The following BCAS3 variants were observed in gnomAD, a reference collection of about 807,000 sequenced individuals.
The protein encoded by BCAS3 is BCAS3 microtubule associated cell migration factor.
In BCAS3, 53 loss-of-function variants were observed where a neutral mutation model predicts 116.1. That is an observed-to-expected ratio of 0.46 (90% CI 0.37 to 0.57). BCAS3 has a LOEUF of 0.57. Ranked by LOEUF, BCAS3 falls within the 20% of genes least tolerant of loss-of-function variation. The pLI is 0.00. For synonymous variants in BCAS3, 391 were observed against 408.2 expected, an observed-to-expected ratio of 0.96 and a Z score of 0.51; for missense variants, 917 against 1,165.4, an observed-to-expected ratio of 0.79 and a Z score of 3.10.
chr17:61,262,903 G>A (rs2049351640), intron 22 of BCAS3, among the ~76,000 whole-genome samples: 1 of 151,414 alleles, frequency 6.6e-6, no homozygotes, highest in Non-Finnish European at 1.5e-5. Flanking sequence ...TGTTGGTCAG[G>A]CTGGTCTCGA....
chr17:60,851,920 G>T (rs2053206507), intron 7 of BCAS3, among the ~76,000 whole-genome samples: 1 of 152,104 alleles, frequency 6.6e-6, no homozygotes, highest in Non-Finnish European at 1.5e-5. Context: ...TTTAAGAGGT[G>T]AAATCATTTG....
chr17:60,757,358 AT>A (rs1404910854), intron 6 of BCAS3, among the ~76,000 whole-genome samples: 42 of 138,960 alleles, frequency 3.0e-4, no homozygotes, highest in South Asian at 1.2e-3. Context: ...AAATAAATAA[AT>A]AAATGAGTTT....
chr17:61,386,541 T>A (rs1181843149), intron 23 of BCAS3, among the ~76,000 whole-genome samples: 1 of 152,114 alleles, frequency 6.6e-6, no homozygotes, highest in East Asian at 1.9e-4. Flanking sequence ...GCTCCTTTTG[T>A]GGTGACGGAA....
intron 23 of BCAS3, among the ~76,000 whole-genome samples, chr17:61,386,053 G>A (rs1334635903): frequency 6.6e-6 from 1 of 152,190 alleles, no homozygotes; most frequent in African/African-American, 2.4e-5. Context: ...AGCAATAATA[G>A]TAACTCACAT....
At chr17:60,972,483 C>T (rs1485097778) in intron 14 of BCAS3, among the ~76,000 whole-genome samples, 3 of 131,334 alleles carry the variant, frequency 2.3e-5, no homozygotes, top group Admixed American at 8.6e-5. Flanking sequence ...GGGTCTTGCT[C>T]TGTCACGTAG....
chr17:60,815,646 A>G (rs1194683290), intron 7 of BCAS3, among the ~76,000 whole-genome samples: 2 of 152,234 alleles, frequency 1.3e-5, no homozygotes, highest in South Asian at 2.1e-4. Flanking sequence ...AGGCATAAAT[A>G]TAGGTGATAC....
chr17:61,107,159 T>C (rs2143703146), intron 22 of BCAS3, among the ~76,000 whole-genome samples: 1 of 143,910 alleles, frequency 6.9e-6, no homozygotes, highest in African/African-American at 2.5e-5. Context: ...TGATCTCGGC[T>C]CACTACAACC....
intron 9 of BCAS3, among the ~76,000 whole-genome samples, chr17:60,876,358 C>T (rs2055604059): frequency 6.6e-6 from 1 of 151,956 alleles, no homozygotes; most frequent in Admixed American, 6.6e-5. Context: ...CCAGAATGGC[C>T]TTTTCACTAA....
In BCAS3 at chr17:61,141,770, G is replaced by A. The variant is rs553935710; in HGVS notation, c.2425+57206G>A. ...ACAAAAATTAGCTGGGCGTGGTGGC[G>A]CACGCCTGTAGTCCCAACTACTCAG... On this transcript the variant is annotated intron_variant, in intron 22 of 23. Transcript: ENST00000407086. This position sits in a 1 kb window ranked among gnomAD's most constrained non-coding sequence, Gnocchi z 4.3. Among the ~76,000 whole-genome samples, 13 of 151,684 alleles carry A rather than the reference G, an allele frequency of 8.6e-5. No homozygotes were observed. The highest frequency in any genetic ancestry group is 2.1e-4 in the South Asian group (1 of 4,798).
Position 60,843,294 on chromosome 17 carries a change from G to T in BCAS3, c.477-25282G>T, listed in dbSNP as rs536108444. Reference sequence around the variant, plus strand: ...TGCAGTGGCACGATCTCGGCTCCCTGCAACCTCTGCTTCCCGTGTTCAAGC... The same window carrying T: ...TGCAGTGGCACGATCTCGGCTCCCTTCAACCTCTGCTTCCCGTGTTCAAGC... On this transcript the variant is annotated intron_variant, in intron 7 of 23. Coordinates refer to ENST00000407086, the MANE Select transcript of BCAS3 (RefSeq NM_017679.5). Among the ~76,000 whole-genome samples, 321 of 150,740 alleles carry T rather than the reference G, an allele frequency of 2.1e-3. 1 individual carries two copies. Among genetic ancestry groups the T allele is most frequent in the Non-Finnish European group, 3.7e-3 (250 of 67,798 alleles).
chr17:60,857,113 G>A (rs4287628), intron 7 of BCAS3, among the ~76,000 whole-genome samples: 10,049 of 152,078 alleles, frequency 0.066, 1,093 homozygotes, highest in African/African-American at 0.23. Context: ...ATAAAGAAAA[G>A]GTCAGTTAAA....
rs570606597 is a variant in BCAS3 at position 61,136,517 on chromosome 17, A to T, written c.2425+51953A>T. ...ATAGCAGCACGCCCCCTTCCCTCAG[A>T]TGCCTCCAAATATTGCCAAATGTCC... On this transcript the variant is annotated intron_variant, in intron 22 of 23. Transcript: ENST00000407086. This position sits in a 1 kb window ranked among gnomAD's most constrained non-coding sequence, Gnocchi z 4.4. 6.6e-6 allele frequency among the ~76,000 whole-genome samples: 1 copy of T among 152,282 alleles called. No individual in the cohort carries two copies. Among genetic ancestry groups the T allele is most frequent in the East Asian group, 1.9e-4 (1 of 5,188 alleles).
rs146753592 is a variant in BCAS3 at position 61,038,938 on chromosome 17, G to A, written c.1928+884G>A. On this transcript the variant is annotated intron_variant, in intron 18 of 23. Coordinates refer to ENST00000407086, the MANE Select transcript of BCAS3 (RefSeq NM_017679.5). ...GGCCTCCCAAAGTGCTGGTTTTATAGGGATGAGCACCTGGCCTTTCATTAC... is the reference window on the plus strand; with the variant it reads ...GGCCTCCCAAAGTGCTGGTTTTATAAGGATGAGCACCTGGCCTTTCATTAC... Among the ~76,000 whole-genome samples the A allele has an allele frequency of 3.1e-3, 477 of 152,202 alleles. 1 individual carries two copies. The highest frequency in any genetic ancestry group is 0.011 in the African/African-American group (458 of 41,532).
At chr17:60,839,296 C>A (rs2051666472) in intron 7 of BCAS3, among the ~76,000 whole-genome samples, 1 of 152,144 alleles carries the variant, frequency 6.6e-6, no homozygotes, top group Non-Finnish European at 1.5e-5. Context: ...TGTTTAATCA[C>A]AAATAAAGGA....
In BCAS3 at chr17:61,019,739, CATTA is replaced by C. The variant is rs1449787044; in HGVS notation, c.1637+3843_1637+3846del. 6.6e-6 allele frequency among the ~76,000 whole-genome samples: 1 copy of C among 151,942 alleles called. No individual in the cohort carries two copies. The highest frequency in any genetic ancestry group is 1.5e-5 in the Non-Finnish European group (1 of 67,978). ...CTTAAGACTGGAGTTAGCTAATTTC[CATTA>C]ATTATTGGCATTAAATTGTATTGTA... On this transcript the variant is annotated intron_variant, in intron 16 of 23. Coordinates refer to ENST00000407086, the MANE Select transcript of BCAS3 (RefSeq NM_017679.5). This position sits in a 1 kb window ranked among gnomAD's most constrained non-coding sequence, Gnocchi z 5.6.
At chr17:61,076,670 G>A (rs2072022033) in intron 20 of BCAS3, among the ~76,000 whole-genome samples, 1 of 152,224 alleles carries the variant, frequency 6.6e-6, no homozygotes, top group African/African-American at 2.4e-5. Flanking sequence ...CACAACAGGA[G>A]AGTGAATAGG....
rs1172341323 is a variant in BCAS3 at position 61,364,286 on chromosome 17, A to C, written c.2426-4041A>C. Among the ~76,000 whole-genome samples, 1 of 152,204 alleles carries C rather than the reference A, an allele frequency of 6.6e-6. No homozygotes were observed. The highest frequency in any genetic ancestry group is 1.5e-5 in the Non-Finnish European group (1 of 68,020). On this transcript the variant is annotated intron_variant, in intron 22 of 23. Transcript: ENST00000407086. This position sits in a 1 kb window ranked among gnomAD's most constrained non-coding sequence, Gnocchi z 5.4. ...TTCTCCTGTGTGCCATCCCGTAAACATGGTGACTCATCGTCACCACCACCA... is the reference window on the plus strand; with the variant it reads ...TTCTCCTGTGTGCCATCCCGTAAACCTGGTGACTCATCGTCACCACCACCA...
rs1421994996 is a variant in BCAS3 at position 61,106,716 on chromosome 17, A to C, written c.2425+22152A>C. 2.0e-5 allele frequency among the ~76,000 whole-genome samples: 3 copies of C among 152,194 alleles called. No homozygotes were observed. Among genetic ancestry groups the C allele is most frequent in the Non-Finnish European group, 4.4e-5 (3 of 68,036 alleles). On this transcript the variant is annotated intron_variant, in intron 22 of 23. Coordinates refer to ENST00000407086, the MANE Select transcript of BCAS3 (RefSeq NM_017679.5). This position sits in a 1 kb window ranked among gnomAD's most constrained non-coding sequence, Gnocchi z 4.2. ...AACTTGCTTCATTTATTGTTAGCAG[A>C]TTTCCTTCAAGTCATTAAATATTTT...
In BCAS3 at chr17:61,211,428, C is replaced by T. The variant is rs1476081550; in HGVS notation, c.2425+126864C>T. On this transcript the variant is annotated intron_variant, in intron 22 of 23. Coordinates refer to ENST00000407086, the MANE Select transcript of BCAS3 (RefSeq NM_017679.5). This position sits in a 1 kb window ranked among gnomAD's most constrained non-coding sequence, Gnocchi z 4.4. ...TCTCTAGTGCAGATTTCCCAGCTGC[C>T]CAATTTGAGCCCTTTTGAGTTGACC... Among the ~76,000 whole-genome samples, 3 of 152,104 alleles carry T rather than the reference C, an allele frequency of 2.0e-5. No individual in the cohort carries two copies. The highest frequency in any genetic ancestry group is 7.2e-5 in the African/African-American group (3 of 41,404).
Sources: allele counts gnomAD v4.1 joint callset (sites outside exome capture counted in the v4.1 genomes callset), GRCh38; gene constraint gnomAD v4.1.1; non-coding constraint Gnocchi (gnomAD v3.1); transcripts MANE v1.5; gene names NCBI Gene and HGNC (gene_info 2026-07-23, HGNC 2026-07-21).